Variants in ROBO2 observed in about 807,000 individuals in gnomAD.
ROBO2 encodes roundabout homolog 2.
ROBO2 carries 53 observed loss-of-function variants against 160.8 expected under a neutral mutation model. The ratio of observed to expected loss-of-function variants is 0.33; its 90% confidence interval spans 0.26 to 0.41. The LOEUF is 0.41. Ranked by LOEUF, ROBO2 falls within the 10% of genes least tolerant of loss-of-function variation. The pLI is 1.00. For missense variants in ROBO2, 1,577 were observed against 1,722.4 expected, an observed-to-expected ratio of 0.92 and a Z score of 1.49; for synonymous variants, 664 against 611.7, an observed-to-expected ratio of 1.09 and a Z score of -1.26.
chr3:77,069,886 T>C (rs2067232539), intron 1 of ROBO2, among the ~76,000 whole-genome samples: 1 of 152,012 alleles, frequency 6.6e-6, no homozygotes, highest in African/African-American at 2.4e-5. Flanking sequence ...CCTCCAAAAA[T>C]GTTTGTTAAA....
chr3:76,309,135 T>G (rs890802377), intron 2 of ROBO2, among the ~76,000 whole-genome samples: 1 of 152,176 alleles, frequency 6.6e-6, no homozygotes, highest in Non-Finnish European at 1.5e-5. Context: ...GGTTTAGTTG[T>G]AGAGTCCTCC....
intron 1 of ROBO2, among the ~76,000 whole-genome samples, chr3:77,089,363 A>C (rs1340226930): frequency 6.6e-6 from 1 of 152,170 alleles, no homozygotes; most frequent in African/African-American, 2.4e-5. Flanking sequence ...TGTTTTCTGC[A>C]TCTGGAAAGC....
intron 2 of ROBO2, among the ~76,000 whole-genome samples, chr3:76,516,791 G>A (rs2081367197): frequency 6.6e-6 from 1 of 152,128 alleles, no homozygotes; most frequent in Admixed American, 6.6e-5. Context: ...TTCATAAGAA[G>A]CATAAAGATT....
intron 6 of ROBO2, among the ~76,000 whole-genome samples, chr3:77,534,099 A>G (rs954144581): frequency 2.0e-5 from 3 of 152,152 alleles, no homozygotes; most frequent in Non-Finnish European, 2.9e-5. Context: ...GTTGGTGTCC[A>G]GTGTGCATCC....
At chr3:77,061,474 G>GGTA (rs2066296991) in intron 1 of ROBO2, among the ~76,000 whole-genome samples, 8 of 152,254 alleles carry the variant, frequency 5.3e-5, no homozygotes, top group Middle Eastern at 3.4e-3. Context: ...GGGCAGCAAG[G>GGTA]GTAGGCTGGG....
At chr3:76,126,584 T>G (rs2070999491) in intron 2 of ROBO2, among the ~76,000 whole-genome samples, 1 of 152,154 alleles carries the variant, frequency 6.6e-6, no homozygotes, top group Non-Finnish European at 1.5e-5. Context: ...AGAAAAGATT[T>G]AAAATTTATC....
At position 76,518,025 on chromosome 3, in the gene ROBO2, T is replaced by C. The variant is rs187359742; in HGVS notation, c.110-579989T>C. ...TCATGCATCAGGGGGTTCCTTTAGT[T>C]TCTACACTCTGTAAAGAGACATTGG... On this transcript the variant is annotated intron_variant, in intron 2 of 26. Coordinates refer to the ROBO2 transcript ENST00000487694. Among the ~76,000 whole-genome samples, 4 of 152,304 alleles carry C rather than the reference T, an allele frequency of 2.6e-5. No homozygotes were observed. In the East Asian group the frequency reaches 7.7e-4, roughly 29 times the overall value.
Position 77,253,659 on chromosome 3 carries a change from CTTCT to C in ROBO2, c.388+155322_388+155325del, listed in dbSNP as rs547217341. Among the ~76,000 whole-genome samples, 35 of 152,176 alleles carry C rather than the reference CTTCT, an allele frequency of 2.3e-4. No individual in the cohort carries two copies. The South Asian group carries it at 3.9e-3, about 17-fold the overall frequency. ...AAATCATGAAAAGCACAATTATTTT[CTTCT>C]TTGTCAATGAGAAATACCAATAAAT... On this transcript the variant is annotated intron_variant, in intron 2 of 25. Transcript: ENST00000461745.
chr3:76,216,814 T>C (rs1188552434), intron 2 of ROBO2, among the ~76,000 whole-genome samples: 3 of 152,144 alleles, frequency 2.0e-5, no homozygotes. Flanking sequence ...GCGGACCTAA[T>C]AGACATCTAC....
intron 2 of ROBO2, among the ~76,000 whole-genome samples, chr3:77,256,479 T>C (rs1460610907): frequency 1.3e-5 from 2 of 152,148 alleles, no homozygotes; most frequent in African/African-American, 4.8e-5. Flanking sequence ...AAGTAAATCA[T>C]GGGACATTCT....
intron 2 of ROBO2, among the ~76,000 whole-genome samples, chr3:77,471,249 A>T (rs990322569): frequency 2.6e-5 from 4 of 152,244 alleles, no homozygotes; most frequent in Non-Finnish European, 5.9e-5. Flanking sequence ...AGGTTAAAAA[A>T]AAATTCTAAG....
intron 2 of ROBO2, among the ~76,000 whole-genome samples, chr3:76,996,543 G>C (rs114107363): frequency 0.054 from 8,155 of 152,096 alleles, 254 homozygotes; most frequent in Middle Eastern, 0.13. Context: ...TACCTTGGAC[G>C]GTATGGCTAT....
intron 18 of ROBO2, 100 bp downstream of exon 19, chr3:77,595,284 A>C: frequency 1.1e-6 from 1 of 935,252 alleles, no homozygotes; most frequent in Non-Finnish European, 1.7e-6. Context: ...ATCACTTAAA[A>C]GTCTGAGAAT....
intron 2 of ROBO2, among the ~76,000 whole-genome samples, chr3:76,544,870 TA>T (rs760545588): frequency 4.7e-4 from 71 of 152,028 alleles, no homozygotes; most frequent in Non-Finnish European, 8.5e-4. Flanking sequence ...TTAATTAGTT[TA>T]AAAGCCTTTA....
Position 76,383,231 on chromosome 3 carries a change from G to A in ROBO2, c.109+445629G>A, listed in dbSNP as rs543326264. On this transcript the variant is annotated intron_variant, in intron 2 of 26. Transcript: ENST00000487694. ...GTCCTCATTCCTTCTAGTATTCAACGTTTGTAATAGATGTTGGAACACAAA... is the reference window on the plus strand; with the variant it reads ...GTCCTCATTCCTTCTAGTATTCAACATTTGTAATAGATGTTGGAACACAAA... Among the ~76,000 whole-genome samples, 5 of 152,236 alleles carry A rather than the reference G, an allele frequency of 3.3e-5. No individual in the cohort carries two copies. In the South Asian group the frequency reaches 6.2e-4, roughly 19 times the overall value.
intron 2 of ROBO2, among the ~76,000 whole-genome samples, chr3:76,262,511 G>A (rs151187708): frequency 0.032 from 4,839 of 152,128 alleles, 92 homozygotes; most frequent in South Asian, 0.077. Flanking sequence ...TCTGGCTTTG[G>A]TAGAACCTTG....
chr3:76,939,127 C>A (rs1003700443), intron 2 of ROBO2, among the ~76,000 whole-genome samples: 1 of 151,996 alleles, frequency 6.6e-6, no homozygotes, highest in Non-Finnish European at 1.5e-5. Flanking sequence ...TAATGAGTTA[C>A]AGCTGCATGA....
At chr3:76,887,882 G>A (rs2074031213) in intron 2 of ROBO2, among the ~76,000 whole-genome samples, 1 of 151,996 alleles carries the variant, frequency 6.6e-6, no homozygotes, top group Admixed American at 6.6e-5. Context: ...TCATTACCTG[G>A]GAATTAAAGT....
In ROBO2 at chr3:77,644,842, G is replaced by A; in HGVS notation, c.4073G>A (p.Ser1358Asn). ...AGAGCAGGCCACCAGCGCAATGCCAGCGACCTTCTTGACATAGGATATATG... is the reference window on the plus strand; with the variant it reads ...AGAGCAGGCCACCAGCGCAATGCCAACGACCTTCTTGACATAGGATATATG... The change falls in exon 25 of 26, where the codon AGC (serine) becomes AAC (asparagine). Residue 1358 changes from serine to asparagine, a missense_variant. By Grantham distance (46) the Ser-to-Asn change is conservative (BLOSUM62 1). Around this residue, in one of 2 missense-constraint regions of ROBO2, gnomAD observed 637 missense variants for 586.9 expected, o/e 1.09. Coordinates refer to ENST00000461745, the Ensembl canonical transcript of ROBO2. 3.1e-6 allele frequency: 5 copies of A among 1,614,126 alleles called. No individual in the cohort carries two copies. In the South Asian group the frequency reaches 4.4e-5, roughly 14 times the overall value.
Sources: gnomAD v4.1 joint callset for allele counts (sites outside exome capture counted in the v4.1 genomes callset) on GRCh38, gnomAD v4.1.1 for gene constraint, gnomAD v4.1.1 regional missense constraint, MANE v1.5 for transcripts, NCBI Gene and HGNC (gene_info 2026-07-23, HGNC 2026-07-21) for gene names.